The following CWC22 variants were observed in gnomAD, a reference collection of about 807,000 sequenced individuals.
CWC22 encodes the protein CWC22 spliceosome associated protein, also known as pre-mRNA-splicing factor CWC22 homolog.
In CWC22, 53 loss-of-function variants were observed where a neutral mutation model predicts 117.2. That is an observed-to-expected ratio of 0.45 (90% CI 0.36 to 0.57). The LOEUF (loss-of-function observed/expected upper bound fraction) is 0.57. Ranked by LOEUF, CWC22 falls within the 20% of genes least tolerant of loss-of-function variation. CWC22 has a pLI of 0.00. For missense variants in CWC22, 980 were observed against 1,068.8 expected (o/e 0.92, Z 1.16); for synonymous variants, 360 against 355.6 (o/e 1.01, Z -0.14).
At chr2:179,976,945 A>G (rs2015677503) in intron 6 of CWC22, among the ~76,000 whole-genome samples, 2 of 152,162 alleles carry the variant, frequency 1.3e-5, no homozygotes, top group African/African-American at 4.8e-5. Context: ...GCTTGAGCTC[A>G]AGAGTACGAG....
chr2:179,965,252 G>A (rs1313437682), intron 12 of CWC22, among the ~76,000 whole-genome samples: 1 of 152,148 alleles, frequency 6.6e-6, no homozygotes, highest in Non-Finnish European at 1.5e-5. Context: ...TATTTATTAT[G>A]CCCTAAAAGG....
At chr2:179,948,192 T>G (rs79637495) in intron 19 of CWC22, among the ~76,000 whole-genome samples, 1,899 of 152,260 alleles carry the variant, frequency 0.012, 19 homozygotes, top group Non-Finnish European at 0.022. Flanking sequence ...GAACTCCTAA[T>G]TGCCAAAGCT....
intron 19 of CWC22, among the ~76,000 whole-genome samples, chr2:179,946,473 G>A (rs796493963): frequency 1.5e-5 from 2 of 136,270 alleles, no homozygotes; most frequent in African/African-American, 2.7e-5. Flanking sequence ...AAGGGGGGGG[G>A]GGAAGGGGAG....
chr2:179,945,392 T>G lies in CWC22; in HGVS notation c.2464A>C (p.Lys822Gln). The stretch of plus-strand genomic sequence containing the variant: ...AAAGAATTTCTTCTCTCTCCTCTCT[T>G]CTTTTTGGGATCACCATGCTTATTT... ...LENKHGDPKK[K>Q]RGERRNSFSE... Residue 822 changes from lysine (K) to glutamine (Q), a missense_variant, in exon 20 of 20, where the codon AAG (lysine) becomes CAG (glutamine). By Grantham distance (53) the Lys-to-Gln change is moderately conservative. This residue lies in a region of CWC22 where 306 missense variants were observed against 296.8 expected (regional missense o/e 1.03). Coordinates refer to ENST00000410053, the MANE Select transcript of CWC22 (RefSeq NM_020943.3). 1.2e-6 allele frequency: 2 copies of G among 1,613,206 alleles called. No individual in the cohort carries two copies. Among genetic ancestry groups the G allele is most frequent in the Non-Finnish European group, 1.7e-6 (2 of 1,179,576 alleles).
At chr2:179,958,897 C>A in intron 14 of CWC22, 125 bp downstream of exon 14, 1 of 556,966 alleles carries the variant, frequency 1.8e-6, no homozygotes, top group Non-Finnish European at 3.3e-6. Context: ...GATATAAAAC[C>A]TACATTAAAA....
intron 4 of CWC22, 96 bp from the exon 5 acceptor site, chr2:179,982,093 C>T: frequency 4.4e-6 from 3 of 677,422 alleles, no homozygotes; most frequent in Admixed American, 5.6e-5. Context: ...AAGTGGGTCC[C>T]ACAAATTCAG....
At chr2:179,991,010 T>A (rs981097587) in intron 2 of CWC22, among the ~76,000 whole-genome samples, 2 of 152,240 alleles carry the variant, frequency 1.3e-5, no homozygotes, top group African/African-American at 2.4e-5. Flanking sequence ...TCCCTATTTC[T>A]TTTATCACAG....
At chr2:179,975,871 C>A (rs1177647112) in intron 6 of CWC22, among the ~76,000 whole-genome samples, 3 of 152,110 alleles carry the variant, frequency 2.0e-5, no homozygotes, top group Non-Finnish European at 1.5e-5. Context: ...TATCAAAATT[C>A]CAGTTACGTT....
At chr2:179,957,437 T>C (rs543561990) in intron 14 of CWC22, among the ~76,000 whole-genome samples, 2 of 152,316 alleles carry the variant, frequency 1.3e-5, no homozygotes, top group East Asian at 1.9e-4. Context: ...TTAGAGTCCA[T>C]ATGATCTCTG....
intron 1 of CWC22, among the ~76,000 whole-genome samples, chr2:179,996,597 G>T (rs1687706557): frequency 6.6e-6 from 1 of 152,020 alleles, no homozygotes. Flanking sequence ...AGCTAAAAAA[G>T]TGGATCTCAT....
intron 1 of CWC22, among the ~76,000 whole-genome samples, chr2:179,997,849 C>T (rs1474222073): frequency 6.6e-6 from 1 of 152,150 alleles, no homozygotes; most frequent in Non-Finnish European, 1.5e-5. Flanking sequence ...AAACAAAACA[C>T]TAAGCCACTC....
chr2:179,949,372 T>C (rs1168178576), intron 19 of CWC22, among the ~76,000 whole-genome samples: 1 of 152,154 alleles, frequency 6.6e-6, no homozygotes, highest in African/African-American at 2.4e-5. Flanking sequence ...GGTAAAATAC[T>C]TGAACAGCCA....
At chr2:179,994,346 A>G (rs1467751699) in intron 1 of CWC22, among the ~76,000 whole-genome samples, 2 of 152,214 alleles carry the variant, frequency 1.3e-5, no homozygotes, top group Non-Finnish European at 2.9e-5. Context: ...GAAAGGGTAT[A>G]ACAGATTATC....
chr2:179,982,110 A>C, intron 4 of CWC22, 113 bp from the exon 5 acceptor site: 1 of 642,870 alleles, frequency 1.6e-6, no homozygotes, highest in South Asian at 2.0e-5. Context: ...TCAGACTAGG[A>C]AAAGTGGTTT....
chr2:179,977,151 T>C (rs1244907043), intron 6 of CWC22, among the ~76,000 whole-genome samples: 1 of 152,052 alleles, frequency 6.6e-6, no homozygotes, highest in East Asian at 1.9e-4. Flanking sequence ...AAGACCCCCA[T>C]CTCTAAAATA....
At chr2:179,983,356 A>C (rs980920506) in intron 4 of CWC22, among the ~76,000 whole-genome samples, 18 of 152,158 alleles carry the variant, frequency 1.2e-4, no homozygotes, top group Non-Finnish European at 1.8e-4. Context: ...AAATGAGAAC[A>C]TGTGGTATTT....
intron 11 of CWC22, among the ~76,000 whole-genome samples, chr2:179,967,031 C>T (rs1016741820): frequency 6.6e-6 from 1 of 152,158 alleles, no homozygotes; most frequent in African/African-American, 2.4e-5. Flanking sequence ...AAGAGATAAT[C>T]TGAAGTATCT....
intron 6 of CWC22, among the ~76,000 whole-genome samples, chr2:179,976,990 T>C (rs1405474895): frequency 6.6e-6 from 1 of 152,066 alleles, no homozygotes; most frequent in Non-Finnish European, 1.5e-5. Context: ...CCTCATTCTC[T>C]ACAAAATATT....
intron 11 of CWC22, among the ~76,000 whole-genome samples, chr2:179,968,982 T>G (rs1686963427): frequency 6.6e-6 from 1 of 152,168 alleles, no homozygotes; most frequent in South Asian, 2.1e-4. Context: ...TTTAATATAG[T>G]AAATAGCAAT....
Sources: allele counts gnomAD v4.1 joint callset (sites outside exome capture counted in the v4.1 genomes callset), GRCh38; gene constraint gnomAD v4.1.1; regional missense constraint gnomAD v4.1.1; transcripts MANE v1.5; gene names NCBI Gene and HGNC (gene_info 2026-07-23, HGNC 2026-07-21).